The following MTUS2 variants were observed in gnomAD, a reference collection of about 807,000 sequenced individuals.
MTUS2 encodes the protein microtubule-associated tumor suppressor candidate 2.
In MTUS2, 40 loss-of-function variants were observed where a neutral mutation model predicts 114.1. The observed-to-expected ratio is 0.35, with a 90% CI of 0.27 to 0.46. The LOEUF is 0.46. Among genes scored for constraint, MTUS2 ranks in the 20% least tolerant of loss-of-function variants. The pLI is 1.00. For synonymous variants in MTUS2, 688 were observed against 672.0 expected, an observed-to-expected ratio of 1.02 and a Z score of -0.37; for missense variants, 1,679 against 1,705.4, an observed-to-expected ratio of 0.98 and a Z score of 0.27.
chr13:29,028,322 G>C (rs1453912830), intron 3 of MTUS2, among the ~76,000 whole-genome samples: 1 of 150,950 alleles, frequency 6.6e-6, no homozygotes, highest in Admixed American at 6.6e-5. Flanking sequence ...CTGCACTTCA[G>C]CCTGGCAACA....
chr13:28,904,309 T>C (rs914899864), intron 2 of MTUS2, among the ~76,000 whole-genome samples: 5 of 152,224 alleles, frequency 3.3e-5, no homozygotes, highest in African/African-American at 9.6e-5. Flanking sequence ...TTTGGTGTTT[T>C]AGACATGAAG....
chr13:28,939,960 T>C (rs1409735666), intron 2 of MTUS2, among the ~76,000 whole-genome samples: 4 of 152,086 alleles, frequency 2.6e-5, no homozygotes, highest in Non-Finnish European at 5.9e-5. Context: ...GAACTCTCCT[T>C]TATAAAACCA....
intron 2 of MTUS2, among the ~76,000 whole-genome samples, chr13:28,857,807 C>T (rs1876730253): frequency 6.6e-6 from 1 of 152,150 alleles, no homozygotes; most frequent in South Asian, 2.1e-4. Context: ...CTTACGGGTT[C>T]ACTTCGGTAT....
Position 29,100,877 on chromosome 13 carries a change from G to A in MTUS2, c.2551G>A (p.Ala851Thr). The A allele has an allele frequency of 6.4e-7, 1 of 1,561,298 alleles. No homozygotes were observed. Among genetic ancestry groups the A allele is most frequent in the Non-Finnish European group, 8.7e-7 (1 of 1,152,436 alleles). Residue 851 changes from alanine to threonine, a missense_variant, in exon 5 of 16, where the codon GCA becomes ACA. Ala to Thr is a moderately conservative substitution (Grantham distance 58). Transcript: ENST00000612955. ...YSRLPAAKLAAFGFVRSSSVS... is the reference protein window; with the variant it reads ...YSRLPAAKLATFGFVRSSSVS... ...ACGTCTCCCGGCAGCCAAACTGGCG[G>A]CATTTGGCTTTGTCCGGAGCTCCAG...
intron 2 of MTUS2, among the ~76,000 whole-genome samples, chr13:29,020,113 T>A (rs1886231499): frequency 6.6e-6 from 1 of 152,174 alleles, no homozygotes; most frequent in African/African-American, 2.4e-5. Flanking sequence ...CTCTTAAGCA[T>A]CAGGTAGGTT....
At position 28,845,660 on chromosome 13, in the gene MTUS2, G is replaced by GT. The variant is rs572392073; in HGVS notation, c.-243+5822dup. 2.4e-3 allele frequency among the ~76,000 whole-genome samples: 338 copies of GT among 142,838 alleles called. 1 individual carries two copies. Among genetic ancestry groups the GT allele is most frequent in the African/African-American group, 3.2e-3 (126 of 39,376 alleles). 93.7% of individuals were successfully genotyped at this position (142,838 alleles called of 152,430 possible). A position where few individuals can be genotyped will look rare whatever the true frequency, so the allele number is the denominator to read the frequency against. The stretch of plus-strand genomic sequence containing the variant: ...GTTATGTTCCCTCTCTGTTTTGTTT[G>GT]TTTTTTTTTTTTAACCTAGACAACT... On this transcript the variant is annotated intron_variant, in intron 2 of 15. Transcript: ENST00000612955.
At position 29,110,108 on chromosome 13, in the gene MTUS2, G is replaced by T. The variant is rs936679911; in HGVS notation, c.2644+9138G>T. Among the ~76,000 whole-genome samples the T allele has an allele frequency of 1.1e-4, 17 of 152,212 alleles. 1 individual carries two copies. The highest frequency in any genetic ancestry group is 7.2e-5 in the African/African-American group (3 of 41,460). On this transcript the variant is annotated intron_variant, in intron 5 of 15. Coordinates refer to ENST00000612955, the MANE Select transcript of MTUS2 (RefSeq NM_001033602.4). ...TTAAAAAGGCTATGGCGTGCCTTCAGCACATTATCATTTTAGTTAATATAT... is the reference window on the plus strand; with the variant it reads ...TTAAAAAGGCTATGGCGTGCCTTCATCACATTATCATTTTAGTTAATATAT...
At chr13:29,115,988 AT>A (rs547820338) in intron 5 of MTUS2, among the ~76,000 whole-genome samples, 60 of 152,352 alleles carry the variant, frequency 3.9e-4, no homozygotes, top group African/African-American at 1.2e-3. Context: ...ACCAGGCATT[AT>A]AGGATTGTTG....
intron 5 of MTUS2, among the ~76,000 whole-genome samples, chr13:29,185,142 T>TAAGAAATTTACTAGAGGAGCTCAGC (rs1894169426): frequency 6.6e-6 from 1 of 151,744 alleles, no homozygotes; most frequent in South Asian, 2.1e-4. Context: ...ATGACTGAAA[T>TAAGAAATTTACTAGAGGAGCTCAGC]AAGAAATTTA....
At chr13:29,307,558 G>A (rs1235091424) in intron 6 of MTUS2, 4 of 1,246,446 alleles carry the variant, frequency 3.2e-6, no homozygotes, top group Non-Finnish European at 3.5e-6. Flanking sequence ...CATCAAGAAG[G>A]TGGTAAAGCA....
intron 2 of MTUS2, among the ~76,000 whole-genome samples, chr13:28,896,628 G>A (rs1057084741): frequency 6.4e-4 from 97 of 152,180 alleles, no homozygotes; most frequent in African/African-American, 2.0e-3. Flanking sequence ...AGCTGGTGGC[G>A]TCACGCTACC....
intron 9 of MTUS2, among the ~76,000 whole-genome samples, chr13:29,466,319 A>G (rs1476182819): frequency 1.3e-5 from 2 of 152,222 alleles, no homozygotes; most frequent in East Asian, 1.9e-4. Context: ...ATTGCCATCA[A>G]CACACTCTTG....
chr13:29,324,669 C>T lies in MTUS2; in HGVS notation c.2863C>T (p.Pro955Ser), dbSNP rs774049404. ...QDTNKPAVSS[P>S]KRVAASTTKL... ...TACGAATAAACCTGCTGTTTCATCT[C>T]CTAAGAGAGTAGCAGCTTCAACCAC... The change falls in exon 7 of 16, where the codon CCT becomes TCT. Residue 955 changes from proline to serine, a missense_variant. This residue lies in a region of MTUS2 where 822 missense variants were observed against 899.7 expected (regional missense o/e 0.91). Coordinates refer to ENST00000612955, the MANE Select transcript of MTUS2 (RefSeq NM_001033602.4). 5.0e-6 allele frequency: 8 copies of T among 1,599,260 alleles called. No individual in the cohort carries two copies. In the South Asian group the frequency reaches 8.0e-5, roughly 16 times the overall value.
Position 29,251,318 on chromosome 13 carries a change from T to A in MTUS2, c.2645-30386T>A, listed in dbSNP as rs55690520. ...ATAATAATAATAATAATAATAATAA[T>A]AAATGCCTACCATCTGGCATGGGCA... is the stretch of plus-strand genomic sequence containing the variant. On this transcript the variant is annotated intron_variant, in intron 5 of 15. Coordinates refer to ENST00000612955, the MANE Select transcript of MTUS2 (RefSeq NM_001033602.4). Among the ~76,000 whole-genome samples, 362 of 151,224 alleles carry A rather than the reference T, an allele frequency of 2.4e-3. 1 individual carries two copies. The highest frequency in any genetic ancestry group is 8.3e-3 in the African/African-American group (341 of 41,234).
chr13:28,850,327 C>G (rs866317790), intron 2 of MTUS2, among the ~76,000 whole-genome samples: 1 of 152,230 alleles, frequency 6.6e-6, no homozygotes, highest in Non-Finnish European at 1.5e-5. Flanking sequence ...CCTGTTTTCT[C>G]AGGGTTCAGA....
At chr13:29,230,619 CA>C (rs1896287211) in intron 5 of MTUS2, among the ~76,000 whole-genome samples, 1 of 152,230 alleles carries the variant, frequency 6.6e-6, no homozygotes, top group Admixed American at 6.5e-5. Flanking sequence ...TAGTCAGAAG[CA>C]GGCTGAACAT....
chr13:29,383,587 T>C lies in MTUS2; in HGVS notation c.3117+24114T>C, dbSNP rs1872409650. ...AGTGTGTCTGTGTAGGGAAGATTTC[T>C]CATCCTGGGGCTTTCAGCTTTGCAT... On this transcript the variant is annotated intron_variant, in intron 8 of 15. Transcript: ENST00000612955. Among the ~76,000 whole-genome samples the C allele has an allele frequency of 2.6e-5, 4 of 152,188 alleles. No individual in the cohort carries two copies. In the South Asian group the frequency reaches 8.3e-4, roughly 32 times the overall value.
intron 5 of MTUS2, among the ~76,000 whole-genome samples, chr13:29,239,025 A>C (rs970507534): frequency 1.3e-5 from 2 of 152,164 alleles, no homozygotes; most frequent in African/African-American, 4.8e-5. Context: ...AGTTCTGGAG[A>C]TCTAACGTAC....
intron 2 of MTUS2, among the ~76,000 whole-genome samples, chr13:28,886,016 G>T (rs969301253): frequency 1.3e-5 from 2 of 152,104 alleles, no homozygotes; most frequent in African/African-American, 4.8e-5. Flanking sequence ...GGGCATTCCC[G>T]ATAGAGGGAA....
Sources: allele counts gnomAD v4.1 joint callset (sites outside exome capture counted in the v4.1 genomes callset), GRCh38; gene constraint gnomAD v4.1.1; regional missense constraint gnomAD v4.1.1; transcripts MANE v1.5; gene names NCBI Gene and HGNC (gene_info 2026-07-23, HGNC 2026-07-21).